The following USP3 variants were observed in gnomAD, a reference collection of about 807,000 sequenced individuals.
The protein encoded by USP3 is ubiquitin specific peptidase 3.
Under a neutral mutation model 72.3 loss-of-function variants are expected in USP3, and 20 were observed. That is an observed-to-expected ratio of 0.28 (90% CI 0.19 to 0.40). The LOEUF is 0.40. Ranked by LOEUF, USP3 falls within the 10% of genes least tolerant of loss-of-function variation. USP3 has a pLI of 1.00. For synonymous variants in USP3, 222 were observed against 225.3 expected (o/e 0.99, Z 0.13); for missense variants, 479 against 633.9 (o/e 0.76, Z 2.62).
At chr15:63,514,142 TTC>T (rs1263672701) in intron 1 of USP3, among the ~76,000 whole-genome samples, 1 of 152,246 alleles carries the variant, frequency 6.6e-6, no homozygotes, top group Admixed American at 6.5e-5. Context: ...GAGAATTTAA[TTC>T]TGAGAGCTTA....
chr15:63,585,590 C>A (rs1447209472), intron 11 of USP3, among the ~76,000 whole-genome samples: 1 of 152,094 alleles, frequency 6.6e-6, no homozygotes, highest in African/African-American at 2.4e-5. Flanking sequence ...ATTCCCTTGA[C>A]AGTATCTTTT....
In USP3 at chr15:63,574,091, C is replaced by A; in HGVS notation, c.954C>A (p.Leu318=). 1 of 1,598,554 alleles carries A rather than the reference C, an allele frequency of 6.3e-7. No individual in the cohort carries two copies. Among genetic ancestry groups the A allele is most frequent in the Non-Finnish European group, 8.5e-7 (1 of 1,171,406 alleles). ...TCACGGCTATATTCGGAGGCATTCT[C>A]CAAAATGAGGTTAACTGCCTCATAT... ...TVVTAIFGGI[L]QNEVNCLICG... Residue 318 remains leucine (L), a synonymous_variant, in exon 10 of 15, where the codon CTC becomes CTA. Coordinates refer to ENST00000380324, the MANE Select transcript of USP3 (RefSeq NM_006537.4). This position sits in a 1 kb window ranked among gnomAD's most constrained non-coding sequence, Gnocchi z 4.6.
chr15:63,565,710 A>G (rs62012769), intron 8 of USP3, among the ~76,000 whole-genome samples: 18,930 of 152,162 alleles, frequency 0.12, 1,601 homozygotes, highest in South Asian at 0.2. Flanking sequence ...GATGATTCAT[A>G]TTAGTATACA....
At chr15:63,575,874 A>G (rs2066854654) in intron 11 of USP3, among the ~76,000 whole-genome samples, 2 of 152,214 alleles carry the variant, frequency 1.3e-5, no homozygotes, top group Admixed American at 1.3e-4. Flanking sequence ...AATTAAAGGA[A>G]TTAGCCTCAA....
At chr15:63,512,414 TCTTTCTTTTTC>T (rs2065802511) in intron 1 of USP3, among the ~76,000 whole-genome samples, 1 of 150,452 alleles carries the variant, frequency 6.6e-6, no homozygotes, top group African/African-American at 2.4e-5. Flanking sequence ...TCTTCTTTCT[TCTTTCTTTTTC>T]TTTCTTCTTT....
chr15:63,522,447 TG>T (rs2065932570), intron 1 of USP3, among the ~76,000 whole-genome samples: 1 of 152,216 alleles, frequency 6.6e-6, no homozygotes, highest in African/African-American at 2.4e-5. Flanking sequence ...ATGCGTGCCC[TG>T]ACATGGGAAA....
chr15:63,539,966 A>C (rs1014501302), intron 3 of USP3, among the ~76,000 whole-genome samples: 1 of 152,170 alleles, frequency 6.6e-6, no homozygotes, highest in African/African-American at 2.4e-5. Context: ...GAGTGTGTGC[A>C]TGTGTTGTTT....
chr15:63,588,896 C>T lies in USP3; in HGVS notation c.1330-48C>T, dbSNP rs769151525. 5 of 1,611,580 alleles carry T rather than the reference C, an allele frequency of 3.1e-6. No individual in the cohort carries two copies. The highest frequency in any genetic ancestry group is 1.3e-5 in the African/African-American group (1 of 74,966). On this transcript the variant is annotated intron_variant, in intron 13 of 14. Transcript: ENST00000380324. This position sits in a 1 kb window ranked among gnomAD's most constrained non-coding sequence, Gnocchi z 4.6. Reference sequence around the variant, plus strand: ...ATCACATGGAGAGGGTAGAGGTCATCGAGATACTGATGTCATTGACCACTG... The same window carrying T: ...ATCACATGGAGAGGGTAGAGGTCATTGAGATACTGATGTCATTGACCACTG...
intron 7 of USP3, among the ~76,000 whole-genome samples, 182 bp downstream of exon 7, chr15:63,560,152 G>C (rs1021208560): frequency 1.3e-5 from 2 of 152,166 alleles, no homozygotes; most frequent in Non-Finnish European, 2.9e-5. Context: ...GGGTGTGGTG[G>C]CTCACGCCTG....
intron 1 of USP3, among the ~76,000 whole-genome samples, chr15:63,517,637 A>G (rs1340856327): frequency 6.6e-6 from 1 of 152,106 alleles, no homozygotes; most frequent in Non-Finnish European, 1.5e-5. Flanking sequence ...TTTTTCTGGT[A>G]CCATTGAGTT....
chr15:63,571,253 G>T (rs1358206154), intron 9 of USP3, among the ~76,000 whole-genome samples: 1 of 152,178 alleles, frequency 6.6e-6, no homozygotes, highest in Non-Finnish European at 1.5e-5. Flanking sequence ...TCAGTATTGA[G>T]CTTCATGGGA....
intron 3 of USP3, among the ~76,000 whole-genome samples, chr15:63,538,549 C>CTT (rs746038629): frequency 0.033 from 4,529 of 137,148 alleles, 93 homozygotes; most frequent in Middle Eastern, 0.1. Context: ...AGGTCTTTTA[C>CTT]TTTTTTTTTT....
intron 6 of USP3, 126 bp from the exon 7 acceptor site, chr15:63,559,731 C>T: frequency 1.4e-6 from 1 of 711,048 alleles, no homozygotes; most frequent in Non-Finnish European, 2.3e-6. Context: ...AGAGATTGCA[C>T]TGAGTACAGT....
chr15:63,548,929 G>A (rs2066396628), intron 3 of USP3, among the ~76,000 whole-genome samples: 2 of 152,184 alleles, frequency 1.3e-5, no homozygotes, highest in South Asian at 4.1e-4. Flanking sequence ...TAGAATTTTG[G>A]AGCAGGTAGT....
chr15:63,574,482 T>A lies in USP3; in HGVS notation c.1096+79T>A. 1 of 1,078,242 alleles carries A rather than the reference T, an allele frequency of 9.3e-7. No homozygotes were observed. The highest frequency in any genetic ancestry group is 1.6e-5 in the African/African-American group (1 of 60,742). The allele number at this position is 1,078,242 out of a possible 1,614,324, so 66.8% of individuals were successfully genotyped here. On this transcript the variant is annotated intron_variant, in intron 11 of 14. Transcript: ENST00000380324. The surrounding 1 kb of genome is among the most constrained non-coding windows in gnomAD (Gnocchi z 4.6). ...TGATAAGCTTCATCTATATGTGGTA[T>A]CTTTAATTAATATCTTTAATGAATC...
At chr15:63,532,828 C>T (rs1445318756) in intron 2 of USP3, 121 bp downstream of exon 2, 8 of 1,018,570 alleles carry the variant, frequency 7.9e-6, no homozygotes, top group African/African-American at 1.6e-5. Flanking sequence ...GCATAATTCC[C>T]TGTAGGGCTT....
At chr15:63,532,756 T>C in intron 2 of USP3, 49 bp downstream of exon 2, 2 of 1,592,862 alleles carry the variant, frequency 1.3e-6, no homozygotes, top group Non-Finnish European at 1.7e-6. Context: ...TTTTAAAATT[T>C]GTCTTTAAGC....
At chr15:63,543,551 C>T (rs1165144888) in intron 3 of USP3, among the ~76,000 whole-genome samples, 1 of 152,240 alleles carries the variant, frequency 6.6e-6, no homozygotes, top group East Asian at 1.9e-4. Flanking sequence ...AAATCAGTTT[C>T]ACCTGTGGTG....
intron 3 of USP3, among the ~76,000 whole-genome samples, chr15:63,538,382 A>G (rs755260699): frequency 2.0e-5 from 3 of 152,124 alleles, no homozygotes; most frequent in Non-Finnish European, 4.4e-5. Context: ...TGAAGGCATT[A>G]CTGGGTAGAG....
Sources: gnomAD v4.1 joint callset for allele counts (sites outside exome capture counted in the v4.1 genomes callset) on GRCh38, gnomAD v4.1.1 for gene constraint, Gnocchi (gnomAD v3.1) non-coding constraint, MANE v1.5 for transcripts, NCBI Gene and HGNC (gene_info 2026-07-23, HGNC 2026-07-21) for gene names.